Variants in CDC123 observed in about 807,000 individuals in gnomAD.
The protein encoded by CDC123 is cell division cycle 123, also known as translation initiation factor eIF2 assembly protein.
A neutral mutation model predicts 54.4 loss-of-function variants in CDC123; 37 were observed. That is an observed-to-expected ratio of 0.68 (90% CI 0.52 to 0.89). CDC123 has a LOEUF of 0.89. CDC123 is among the 40% of genes least tolerant of loss of function. The pLI is 0.00. For synonymous variants in CDC123, 144 were observed against 136.8 expected (o/e 1.05, Z -0.37); for missense variants, 361 against 412.1 (o/e 0.88, Z 1.07).
chr10:12,228,013 G>A (rs1835850350), intron 6 of CDC123, among the ~76,000 whole-genome samples: 1 of 152,006 alleles, frequency 6.6e-6, no homozygotes, highest in Non-Finnish European at 1.5e-5. Flanking sequence ...ATAGCTTACT[G>A]CAGCCTCAAA....
intron 2 of CDC123, among the ~76,000 whole-genome samples, chr10:12,207,687 A>T (rs1003834772): frequency 3.3e-5 from 5 of 152,048 alleles, no homozygotes; most frequent in African/African-American, 1.2e-4. Flanking sequence ...AGAATCCTTT[A>T]ATCTGTCTGT....
intron 4 of CDC123, among the ~76,000 whole-genome samples, chr10:12,211,961 G>A (rs982466314): frequency 2.0e-5 from 3 of 152,262 alleles, no homozygotes; most frequent in South Asian, 2.1e-4. Context: ...GGTGGTAGAC[G>A]CCTGTAATAC....
intron 11 of CDC123, among the ~76,000 whole-genome samples, chr10:12,248,511 C>CAAA (rs529994117): frequency 3.4e-5 from 4 of 116,078 alleles, no homozygotes; most frequent in African/African-American, 1.3e-4. Flanking sequence ...GACTCCGTCT[C>CAAA]AAAAAAAAAA....
chr10:12,199,333 G>A (rs1835408843), intron 2 of CDC123, among the ~76,000 whole-genome samples: 1 of 152,174 alleles, frequency 6.6e-6, no homozygotes, highest in Admixed American at 6.5e-5. Flanking sequence ...TTTAATTCGA[G>A]TCTGCTCAGA....
chr10:12,207,567 T>C (rs558576780), intron 2 of CDC123, among the ~76,000 whole-genome samples: 19 of 152,180 alleles, frequency 1.2e-4, no homozygotes, highest in South Asian at 4.1e-4. Context: ...TTGCAAACTT[T>C]GTGTACCTGG....
intron 10 of CDC123, among the ~76,000 whole-genome samples, chr10:12,241,666 AGTTCATC>A (rs1836059225): frequency 1.3e-5 from 2 of 151,438 alleles, no homozygotes; most frequent in African/African-American, 4.9e-5. Context: ...ATTTACTTTG[AGTTCATC>A]TTCAGTGAGC....
In CDC123 at chr10:12,217,363, T is replaced by C. The variant is rs764849864; in HGVS notation, c.336T>C (p.Asp112=). Residue 112 remains aspartate, a splice_region_variant and synonymous_variant, in exon 6 of 13, where the codon GAT becomes GAC. Transcript: ENST00000281141. The part of the protein sequence containing the change: ...FPKLNWSAPR[D]AYWIAMNSSL... The stretch of plus-strand genomic sequence containing the variant: ...ATAGCATGTGCTTCATTCTTTAGGA[T>C]GCGTATTGGATAGCAATGAATAGTT... 2 of 1,610,972 alleles carry C rather than the reference T, an allele frequency of 1.2e-6. No individual in the cohort carries two copies. The highest frequency in any genetic ancestry group is 1.7e-6 in the Non-Finnish European group (2 of 1,178,234).
In CDC123 at chr10:12,209,914, G is replaced by A. The variant is rs570201100; in HGVS notation, c.147-53G>A. The A allele has an allele frequency of 9.9e-5, 153 of 1,547,836 alleles. 2 individuals are homozygous for A. In the South Asian group the frequency reaches 1.5e-3, roughly 15 times the overall value. On this transcript the variant is annotated intron_variant, in intron 2 of 12. Transcript: ENST00000281141. ...ATACTCAGTACCCCTGAAATTAGGA[G>A]CATGCGGTGCCCAAGTCCTTTTCTT... is the stretch of plus-strand genomic sequence containing the variant.
At chr10:12,237,526 C>T (rs946101814) in intron 9 of CDC123, 4 of 182,346 alleles carry the variant, frequency 2.2e-5, no homozygotes, top group Non-Finnish European at 3.3e-5. Flanking sequence ...TTCCACCTCC[C>T]GGGTTCAGGT....
At chr10:12,231,266 G>A (rs987922927) in intron 7 of CDC123, among the ~76,000 whole-genome samples, 1 of 152,090 alleles carries the variant, frequency 6.6e-6, no homozygotes, top group Non-Finnish European at 1.5e-5. Context: ...CGCCTCACAG[G>A]TGCACCTAAT....
intron 6 of CDC123, among the ~76,000 whole-genome samples, chr10:12,220,055 ACTCCTGAT>A (rs1234310765): frequency 4.0e-5 from 6 of 149,430 alleles, no homozygotes; most frequent in Non-Finnish European, 8.9e-5. Context: ...CTGGTCTTGA[ACTCCTGAT>A]CTCGTGATCC....
At chr10:12,246,317 A>T (rs752338949) in intron 11 of CDC123, 40 bp downstream of exon 11, 5 of 1,608,332 alleles carry the variant, frequency 3.1e-6, no homozygotes. Context: ...AAACCTTTCC[A>T]GTCTACTGAC....
At position 12,196,305 on chromosome 10, in the gene CDC123, CG is replaced by C. The variant is rs763646823; in HGVS notation, c.61del (p.Val21LeufsTer14). 4 of 1,613,192 alleles carry C rather than the reference CG, an allele frequency of 2.5e-6. No homozygotes were observed. Among genetic ancestry groups the C allele is most frequent in the Non-Finnish European group, 3.4e-6 (4 of 1,179,582 alleles). ...FSAWYPFFRG[V>X]TIKSVILPLP... is the part of the protein sequence containing the mutation. ...CCGCGTGGTACCCGTTCTTCCGAGGCGTTACCATCAAGAGGTGAGATGGGAG... is the reference window on the plus strand; with the variant it reads ...CCGCGTGGTACCCGTTCTTCCGAGGCTTACCATCAAGAGGTGAGATGGGAG... On this transcript the variant is annotated frameshift_variant, in exon 1 of 13. Coordinates refer to ENST00000281141, the MANE Select transcript of CDC123 (RefSeq NM_006023.3). LOFTEE classifies it high-confidence loss of function.
At chr10:12,209,881 A>G (rs1835573581) in intron 2 of CDC123, 86 bp from the exon 3 acceptor site, 4 of 1,316,286 alleles carry the variant, frequency 3.0e-6, no homozygotes, top group Non-Finnish European at 3.3e-6. Flanking sequence ...AAGGCTATTT[A>G]AAAACATATA....
At chr10:12,230,752 G>A (rs1835890372) in intron 6 of CDC123, among the ~76,000 whole-genome samples, 196 bp from the exon 7 acceptor site, 1 of 152,200 alleles carries the variant, frequency 6.6e-6, no homozygotes, top group South Asian at 2.1e-4. Context: ...GATTAAATGA[G>A]TTCATATCTC....
At chr10:12,241,363 TTTTG>T (rs1399924159) in intron 10 of CDC123, among the ~76,000 whole-genome samples, 7 of 152,242 alleles carry the variant, frequency 4.6e-5, no homozygotes, top group Non-Finnish European at 1.0e-4. Context: ...CTTTTCTGGC[TTTTG>T]AATTTCAGCC....
intron 6 of CDC123, among the ~76,000 whole-genome samples, chr10:12,229,846 T>A (rs1230109323): frequency 1.3e-5 from 2 of 152,234 alleles, no homozygotes; most frequent in Non-Finnish European, 2.9e-5. Flanking sequence ...AGTTTTAAAA[T>A]GGCACGTGGG....
At position 12,237,150 on chromosome 10, in the gene CDC123, C is replaced by A; in HGVS notation, c.572C>A (p.Ser191Tyr). Residue 191 changes from serine to tyrosine, a missense_variant, in exon 9 of 13, where the codon TCT becomes TAT. Transcript: ENST00000281141. ...TAAAATATTTTCTTGTCAGGTATTT[C>A]TCAAAGAGACTACACACAATACTAT... is the stretch of plus-strand genomic sequence containing the variant. Reference protein sequence around the residue: ...FVKENKLIGISQRDYTQYYDH... With the variant: ...FVKENKLIGIYQRDYTQYYDH... 1 of 1,533,284 alleles carries A rather than the reference C, an allele frequency of 6.5e-7. No homozygotes were observed. Among genetic ancestry groups the A allele is most frequent in the Non-Finnish European group, 8.7e-7 (1 of 1,148,330 alleles). 95.0% of individuals were successfully genotyped at this position (1,533,284 alleles called of 1,614,324 possible).
intron 6 of CDC123, among the ~76,000 whole-genome samples, chr10:12,221,749 AT>A (rs57067737): frequency 0.024 from 3,597 of 150,406 alleles, 142 homozygotes; most frequent in African/African-American, 0.083. Context: ...TATTAAATTT[AT>A]TTTTTAAATA....
Sources: allele counts gnomAD v4.1 joint callset (sites outside exome capture counted in the v4.1 genomes callset), GRCh38; gene constraint gnomAD v4.1.1; transcripts MANE v1.5; gene names NCBI Gene and HGNC (gene_info 2026-07-23, HGNC 2026-07-21).